The following OGDH variants were observed in gnomAD, a reference collection of about 807,000 sequenced individuals.
OGDH encodes 2-oxoglutarate dehydrogenase complex component E1.
OGDH carries 38 observed loss-of-function variants against 116.6 expected under a neutral mutation model. The observed-to-expected ratio is 0.33, with a 90% CI of 0.25 to 0.43. The LOEUF is 0.43. OGDH is among the 20% of genes least tolerant of loss of function. OGDH has a pLI of 1.00. For missense variants in OGDH, 825 were observed against 1,357.2 expected (o/e 0.61, Z 6.16); for synonymous variants, 488 against 533.3 (o/e 0.92, Z 1.17).
At chr7:44,647,912 GT>G (rs1786263532) in intron 4 of OGDH, among the ~76,000 whole-genome samples, 153 bp downstream of exon 4, 3 of 152,168 alleles carry the variant, frequency 2.0e-5, no homozygotes, top group Admixed American at 2.0e-4. Flanking sequence ...GCCTTAGTGT[GT>G]TTTGGGCAAG....
Position 44,697,899 on chromosome 7 carries a change from C to A in OGDH, c.2358+117C>A. 1 of 1,222,686 alleles carries A rather than the reference C, an allele frequency of 8.2e-7. No individual in the cohort carries two copies. Among genetic ancestry groups the A allele is most frequent in the Non-Finnish European group, 1.1e-6 (1 of 895,106 alleles). The allele number at this position is 1,222,686 out of a possible 1,614,324, so 75.7% of individuals were successfully genotyped here. A position where few individuals can be genotyped will look rare whatever the true frequency, so the allele number is the denominator to read the frequency against. On this transcript the variant is annotated intron_variant, in intron 17 of 22. Coordinates refer to ENST00000222673, the MANE Select transcript of OGDH (RefSeq NM_002541.4). The surrounding 1 kb of genome is among the most constrained non-coding windows in gnomAD (Gnocchi z 6.0). ...TCACACCAGCCTCCTAAGGACTCTG[C>A]TGGTGCTTCCCATCCATCTCAGATG... is the stretch of plus-strand genomic sequence containing the variant.
intron 2 of OGDH, among the ~76,000 whole-genome samples, chr7:44,644,209 T>C (rs1038550699): frequency 2.6e-5 from 4 of 152,190 alleles, no homozygotes; most frequent in African/African-American, 7.2e-5. Flanking sequence ...CTCAAAAAAA[T>C]TAAAATAAAC....
chr7:44,624,809 C>T (rs1785140966), intron 2 of OGDH, among the ~76,000 whole-genome samples: 1 of 152,040 alleles, frequency 6.6e-6, no homozygotes, highest in South Asian at 2.1e-4. Flanking sequence ...ATGTGTGTGA[C>T]CCTCCAGCAT....
chr7:44,647,236 A>C (rs550608955), intron 3 of OGDH, among the ~76,000 whole-genome samples: 1 of 152,360 alleles, frequency 6.6e-6, no homozygotes, highest in South Asian at 2.1e-4. Context: ...TCATAACCTG[A>C]GTTTATCTCT....
Position 44,698,197 on chromosome 7 carries a change from A to G in OGDH, c.2364A>G (p.Pro788=), listed in dbSNP as rs927520823. 3 of 1,614,108 alleles carry G rather than the reference A, an allele frequency of 1.9e-6. No individual in the cohort carries two copies. The highest frequency in any genetic ancestry group is 1.3e-5 in the African/African-American group (1 of 74,944). The change falls in exon 18 of 23, where the codon CCA becomes CCG. Residue 788 remains proline, a synonymous_variant. Transcript: ENST00000222673. ...ACTTGCGTGTGTGGTTCCAGGGTCC[A>G]GAACATTCCTCCGCCCGCCCAGAGC... ...LLPHGMEGMG[P]EHSSARPERF...
rs1188757736 is a variant in OGDH, at chr7:44,636,066, G to A, written c.223-9261G>A. ...ATCATCTTAAATAGCCTGTGTTTAG[G>A]ACTTTTACAGACAAGAAAACAGGCC... is the stretch of plus-strand genomic sequence containing the variant. On this transcript the variant is annotated intron_variant, in intron 2 of 22. Transcript: ENST00000222673. 1.3e-5 allele frequency among the ~76,000 whole-genome samples: 2 copies of A among 152,146 alleles called. 1 individual carries two copies. The highest frequency in any genetic ancestry group is 2.9e-5 in the Non-Finnish European group (2 of 68,034).
At chr7:44,618,833 C>T (rs1784902619) in intron 1 of OGDH, among the ~76,000 whole-genome samples, 1 of 152,246 alleles carries the variant, frequency 6.6e-6, no homozygotes, top group Non-Finnish European at 1.5e-5. Context: ...GGTCACAAGA[C>T]ACCCACTTCA....
At chr7:44,698,382 ATCCT>A in intron 18 of OGDH, 119 bp downstream of exon 18, 1 of 1,041,500 alleles carries the variant, frequency 9.6e-7, no homozygotes, top group Non-Finnish European at 1.4e-6. Flanking sequence ...CCCTTTCTCC[ATCCT>A]GGGGAGCTCA....
chr7:44,695,964 G>C, intron 12 of OGDH, 61 bp from the exon 13 acceptor site: 2 of 893,526 alleles, frequency 2.2e-6, no homozygotes, highest in Admixed American at 1.8e-5. Flanking sequence ...GGGGGTACAG[G>C]TGGGCGTGTG....
At chr7:44,703,715 C>CA (rs1375367775) in intron 20 of OGDH, among the ~76,000 whole-genome samples, 10 of 150,764 alleles carry the variant, frequency 6.6e-5, no homozygotes, top group Non-Finnish European at 1.3e-4. Flanking sequence ...GACTCCGTCT[C>CA]AAAAAAAATA....
Position 44,707,618 on chromosome 7 carries a change from G to A in OGDH, c.2833G>A (p.Val945Met), listed in dbSNP as rs746882349. Residue 945 changes from valine to methionine, a missense_variant, in exon 22 of 23, where the codon GTG becomes ATG. Coordinates refer to ENST00000222673, the MANE Select transcript of OGDH (RefSeq NM_002541.4). This position sits in a 1 kb window ranked among gnomAD's most constrained non-coding sequence, Gnocchi z 5.2. ...PFPFDLLLKEVQKYPNAELAW... is the reference protein window; with the variant it reads ...PFPFDLLLKEMQKYPNAELAW... ...CCCCTTTGACCTCCTGCTGAAGGAG[G>A]TGCAGAAGTACCCCAATGCTGAGCT... 3 of 1,614,148 alleles carry A rather than the reference G, an allele frequency of 1.9e-6. No individual in the cohort carries two copies. Among genetic ancestry groups the A allele is most frequent in the Admixed American group, 1.7e-5 (1 of 60,032 alleles).
chr7:44,643,616 A>C (rs1786045773), intron 2 of OGDH, among the ~76,000 whole-genome samples: 1 of 152,184 alleles, frequency 6.6e-6, no homozygotes, highest in Non-Finnish European at 1.5e-5. Flanking sequence ...CCAGCATTAT[A>C]AAAGAACCTG....
chr7:44,659,522 G>T (rs1786843797), intron 4 of OGDH, among the ~76,000 whole-genome samples: 1 of 152,146 alleles, frequency 6.6e-6, no homozygotes, highest in African/African-American at 2.4e-5. Flanking sequence ...GGGCTTAGAG[G>T]TTAGTTTTTC....
intron 2 of OGDH, among the ~76,000 whole-genome samples, chr7:44,628,328 C>T (rs1432746193): frequency 6.6e-6 from 1 of 152,144 alleles, no homozygotes; most frequent in East Asian, 1.9e-4. Context: ...TTACTCTTCT[C>T]TTAAAGCTGC....
At chr7:44,646,700 T>C (rs1005438344) in intron 3 of OGDH, among the ~76,000 whole-genome samples, 1 of 152,148 alleles carries the variant, frequency 6.6e-6, no homozygotes, top group Non-Finnish European at 1.5e-5. Context: ...TTGGAAGGGA[T>C]TTTCTTTCTC....
At chr7:44,675,479 G>A (rs1473155467) in intron 8 of OGDH, among the ~76,000 whole-genome samples, 1 of 152,200 alleles carries the variant, frequency 6.6e-6, no homozygotes, top group East Asian at 1.9e-4. Context: ...TCTGAGTGCA[G>A]GGGTGTGTCC....
intron 4 of OGDH, chr7:44,656,311 C>T: frequency 1.3e-6 from 2 of 1,535,912 alleles, no homozygotes; most frequent in Non-Finnish European, 1.7e-6. Context: ...CCCACTCTGC[C>T]TCTCAGATCT....
intron 4 of OGDH, among the ~76,000 whole-genome samples, chr7:44,663,945 A>G (rs972401215): frequency 2.0e-5 from 3 of 152,066 alleles, no homozygotes; most frequent in Admixed American, 6.6e-5. Context: ...GTCTCAAAAA[A>G]AAAAAAAGAA....
In OGDH at chr7:44,697,072, TC is replaced by T. The variant is rs771295157; in HGVS notation, c.2051+9del. ...GGAGCGGGGCACATTCAGGTAACGT[TC>T]TGGGCAGTTTTGTTTGCCCTCCAAA... On this transcript the variant is annotated intron_variant, in intron 15 of 22. Coordinates refer to ENST00000222673, the MANE Select transcript of OGDH (RefSeq NM_002541.4). The surrounding 1 kb of genome is among the most constrained non-coding windows in gnomAD (Gnocchi z 6.0). 47 of 1,609,006 alleles carry T rather than the reference TC, an allele frequency of 2.9e-5. No homozygotes were observed. The African/African-American group carries it at 5.7e-4, about 20-fold the overall frequency.
Sources: gnomAD v4.1 joint callset for allele counts (sites outside exome capture counted in the v4.1 genomes callset) on GRCh38, gnomAD v4.1.1 for gene constraint, Gnocchi (gnomAD v3.1) non-coding constraint, MANE v1.5 for transcripts, NCBI Gene and HGNC (gene_info 2026-07-23, HGNC 2026-07-21) for gene names.